Variants in PAX7 observed in about 807,000 individuals in gnomAD.
PAX7 encodes paired box 7, also known as paired box protein Pax-7.
PAX7 carries 18 observed loss-of-function variants against 50.7 expected under a neutral mutation model. That is an observed-to-expected ratio of 0.36 (90% confidence interval 0.25 to 0.53). The LOEUF (loss-of-function observed/expected upper bound fraction) is 0.53, where lower values mean the gene tolerates loss of function less well. Among genes scored for constraint, PAX7 ranks in the 20% least tolerant of loss-of-function variants. The pLI, the probability that PAX7 is intolerant of heterozygous loss-of-function variation, is 0.93. For missense variants in PAX7, 644 were observed against 702.9 expected, an observed-to-expected ratio of 0.92 and a Z score of 0.95; for synonymous variants, 310 against 290.4, an observed-to-expected ratio of 1.07 and a Z score of -0.69.
rs777766224 is a variant in PAX7, at chr1:18,635,243, G to A, written c.451+3G>A. 24 of 1,613,154 alleles carry A rather than the reference G, an allele frequency of 1.5e-5. No individual in the cohort carries two copies. The South Asian group carries it at 2.1e-4, about 14-fold the overall frequency. ...TGACCGAAGCACTGTGCCCTCAGGT[G>A]AGAAGGCAGCTGAGCCGGCAGAGCT... On this transcript the variant is annotated splice_donor_region_variant and intron_variant, in intron 3 of 8. Transcript: ENST00000420770.
At chr1:18,737,952 G>A (rs1327505056) in intron 8 of PAX7, among the ~76,000 whole-genome samples, 2 of 152,240 alleles carry the variant, frequency 1.3e-5, no homozygotes, top group African/African-American at 4.8e-5. Context: ...ATTGAGGCAT[G>A]CACACATGCT....
intron 5 of PAX7, among the ~76,000 whole-genome samples, chr1:18,692,258 G>A (rs1275112488): frequency 1.3e-5 from 2 of 151,988 alleles, no homozygotes; most frequent in Non-Finnish European, 2.9e-5. Flanking sequence ...AGAAGGGAGG[G>A]AGGCCAGGTG....
Position 18,691,884 on chromosome 1 carries a change from C to T in PAX7, c.717C>T (p.Thr239=). 6.2e-7 allele frequency: 1 copy of T among 1,613,968 alleles called. No individual in the cohort carries two copies. The highest frequency in any genetic ancestry group is 2.2e-5 in the East Asian group (1 of 44,858). The change falls in exon 5 of 9, where the codon ACC becomes ACT. Residue 239 remains threonine (T), a synonymous_variant. Transcript: ENST00000420770. ...LEELEKAFER[T]HYPDIYTREE... ...AGCTGGAGAAGGCCTTTGAGAGGAC[C>T]CACTACCCAGACATATACACCCGCG...
intron 7 of PAX7, among the ~76,000 whole-genome samples, chr1:18,733,509 A>G (rs1269724338): frequency 6.6e-6 from 1 of 152,110 alleles, no homozygotes; most frequent in Non-Finnish European, 1.5e-5. Flanking sequence ...CTGTGTGGAG[A>G]TGAAGACTAG....
At chr1:18,722,866 CT>C (rs1557551792) in intron 7 of PAX7, among the ~76,000 whole-genome samples, 2 of 152,270 alleles carry the variant, frequency 1.3e-5, no homozygotes, top group East Asian at 3.9e-4. Flanking sequence ...TGGGTTGCAG[CT>C]TTTTCCTCTC....
chr1:18,716,921 G>GGACC (rs2089431624), intron 7 of PAX7, among the ~76,000 whole-genome samples: 2 of 152,116 alleles, frequency 1.3e-5, no homozygotes, highest in South Asian at 4.1e-4. Context: ...TCCGAGGCAG[G>GGACC]GACCGGGCGC....
chr1:18,704,574 T>C (rs994918595), intron 7 of PAX7, among the ~76,000 whole-genome samples: 5 of 151,972 alleles, frequency 3.3e-5, no homozygotes, highest in Admixed American at 2.0e-4. Flanking sequence ...GAGCCAAGAT[T>C]GCACCATTGC....
At chr1:18,676,074 A>T (rs534844052) in intron 4 of PAX7, among the ~76,000 whole-genome samples, 78 of 152,330 alleles carry the variant, frequency 5.1e-4, no homozygotes, top group African/African-American at 1.9e-3. Context: ...CTTCACAGCA[A>T]TCATTTGGCT....
At position 18,632,302 on chromosome 1, in the gene PAX7, A is replaced by T. The variant is rs995165876; in HGVS notation, c.85+614A>T. 6.6e-6 allele frequency among the ~76,000 whole-genome samples: 1 copy of T among 152,028 alleles called. No individual in the cohort carries two copies. Among genetic ancestry groups the T allele is most frequent in the Non-Finnish European group, 1.5e-5 (1 of 68,000 alleles). On this transcript the variant is annotated intron_variant, in intron 1 of 8. Transcript: ENST00000420770. This position sits in a 1 kb window ranked among gnomAD's most constrained non-coding sequence, Gnocchi z 6.3. Reference sequence around the variant, plus strand: ...TTACTCGGGCTTCCGCACTCTGGAAATCTCCCGGGAGAGAACCTCTAAACG... The same window carrying T: ...TTACTCGGGCTTCCGCACTCTGGAATTCTCCCGGGAGAGAACCTCTAAACG...
At position 18,667,388 on chromosome 1, in the gene PAX7, GAGAAAGGA is replaced by G. The variant is rs1412321845; in HGVS notation, c.587-24363_587-24356del. Among the ~76,000 whole-genome samples, 285 of 115,678 alleles carry G rather than the reference GAGAAAGGA, an allele frequency of 2.5e-3. 2 individuals carry two copies. Among genetic ancestry groups the G allele is most frequent in the African/African-American group, 8.4e-3 (251 of 29,986 alleles). The allele number at this position is 115,678 out of a possible 152,430, so 75.9% of individuals were successfully genotyped here. ...AGGAAAAAAGAAGGAGAGAAGGAAGGAGAAAGGAAGGAAGGAAGGAAGGAAGGAAGGAA... is the reference window on the plus strand; with the variant it reads ...AGGAAAAAAGAAGGAGAGAAGGAAGGAGGAAGGAAGGAAGGAAGGAAGGAA... On this transcript the variant is annotated intron_variant, in intron 4 of 8. Transcript: ENST00000420770.
rs776238209 is a variant in PAX7, at chr1:18,631,659, A to G, written c.56A>G (p.Asn19Ser). 1 of 1,613,042 alleles carries G rather than the reference A, an allele frequency of 6.2e-7. No individual in the cohort carries two copies. The highest frequency in any genetic ancestry group is 1.7e-5 in the Admixed American group (1 of 59,958). The change falls in exon 1 of 9, where the codon AAC (asparagine) becomes AGC (serine). Residue 19 changes from asparagine (N) to serine (S), a missense_variant. Asn to Ser is a conservative substitution (Grantham distance 46, BLOSUM62 1). Transcript: ENST00000420770. ...PRMMRPAPGQ[N>S]YPRTGFPLEV... ...ATGATGCGGCCGGCTCCGGGGCAGAACTACCCCCGCACGGGATTCCCTTTG... is the reference window on the plus strand; with the variant it reads ...ATGATGCGGCCGGCTCCGGGGCAGAGCTACCCCCGCACGGGATTCCCTTTG...
At chr1:18,643,173 C>T (rs2088284771) in intron 4 of PAX7, among the ~76,000 whole-genome samples, 1 of 152,194 alleles carries the variant, frequency 6.6e-6, no homozygotes, top group African/African-American at 2.4e-5. Context: ...GCCAGGCCCC[C>T]GGTTTGGCAG....
chr1:18,727,856 G>C (rs1383800670), intron 7 of PAX7, among the ~76,000 whole-genome samples: 1 of 152,096 alleles, frequency 6.6e-6, no homozygotes, highest in African/African-American at 2.4e-5. Context: ...GTTGGGTGTG[G>C]AGGCCATAAG....
chr1:18,696,065 C>CTTTTTTTT (rs386366372), intron 5 of PAX7, among the ~76,000 whole-genome samples: 4 of 128,904 alleles, frequency 3.1e-5, no homozygotes, highest in African/African-American at 1.2e-4. Flanking sequence ...CATTTCTTTT[C>CTTTTTTTT]TTTTTTTTTT....
intron 7 of PAX7, among the ~76,000 whole-genome samples, chr1:18,719,785 G>A (rs2089472521): frequency 7.7e-6 from 1 of 130,276 alleles, no homozygotes; most frequent in African/African-American, 3.0e-5. Context: ...AGGTCTCTGG[G>A]GTGAAACAGC....
In PAX7 at chr1:18,676,561, C is replaced by A. The variant is rs577939339; in HGVS notation, c.587-15193C>A. Among the ~76,000 whole-genome samples the A allele has an allele frequency of 3.6e-4, 55 of 152,154 alleles. No individual in the cohort carries two copies. The Middle Eastern group carries it at 0.014, about 38-fold the overall frequency. The stretch of plus-strand genomic sequence containing the variant: ...AAGGAAGGATAAGTCTTCCCCACCC[C>A]CTTCTCCTAAGAGGAAAAGAGGGGG... On this transcript the variant is annotated intron_variant, in intron 4 of 8. Transcript: ENST00000420770.
rs1033670725 is a variant in PAX7, at chr1:18,636,553, C to A, written c.586+182C>A. On this transcript the variant is annotated intron_variant, in intron 4 of 8. Transcript: ENST00000420770. This position sits in a 1 kb window ranked among gnomAD's most constrained non-coding sequence, Gnocchi z 5.1. ...CGACAGCGCCCCCTCGGTGCGCACC[C>A]CGGATGCCGGCTAGATGCGAAGCCC... 1.3e-5 allele frequency among the ~76,000 whole-genome samples: 2 copies of A among 152,238 alleles called. No individual in the cohort carries two copies. Among genetic ancestry groups the A allele is most frequent in the South Asian group, 4.1e-4 (2 of 4,836 alleles).
At chr1:18,646,546 G>T (rs1282143138) in intron 4 of PAX7, among the ~76,000 whole-genome samples, 1 of 152,200 alleles carries the variant, frequency 6.6e-6, no homozygotes, top group Admixed American at 6.5e-5. Context: ...GGGTGCAGGC[G>T]GGCAGAGGGT....
rs192185452 is a variant in PAX7 at position 18,722,129 on chromosome 1, C to T, written c.1156-13503C>T. On this transcript the variant is annotated intron_variant, in intron 7 of 8. Coordinates refer to ENST00000420770, the MANE Select transcript of PAX7 (RefSeq NM_001135254.2). ...CTTAGAATACTACCTGAGATGGAGA[C>T]AGCATTACAGAAATATTAGCTTAGG... 2.1e-3 allele frequency among the ~76,000 whole-genome samples: 325 copies of T among 152,266 alleles called. 3 individuals are homozygous for T. The highest frequency in any genetic ancestry group is 1.4e-3 in the East Asian group (7 of 5,184).
Sources: allele counts gnomAD v4.1 joint callset (sites outside exome capture counted in the v4.1 genomes callset), GRCh38; gene constraint gnomAD v4.1.1; non-coding constraint Gnocchi (gnomAD v3.1); transcripts MANE v1.5; gene names NCBI Gene and HGNC (gene_info 2026-07-23, HGNC 2026-07-21).